SP140: variants seen among roughly 807,000 people sequenced by gnomAD.
SP140 encodes the protein SP140 nuclear body protein.
SP140 carries 81 observed loss-of-function variants against 125.0 expected under a neutral mutation model. The ratio of observed to expected loss-of-function variants is 0.65; its 90% CI spans 0.54 to 0.78. The LOEUF (loss-of-function observed/expected upper bound fraction) is 0.78, where lower values mean the gene tolerates loss of function less well. SP140 is among the 30% of genes least tolerant of loss of function. The pLI is 0.00. For missense variants in SP140, 858 were observed against 1,037.0 expected (o/e 0.83, Z 2.37); for synonymous variants, 312 against 354.0 (o/e 0.88, Z 1.33).
Position 230,307,984 on chromosome 2 carries a change from TATATATACACACACAC to T in SP140, c.2059-1938_2059-1923del, listed in dbSNP as rs1273741328. Among the ~76,000 whole-genome samples, 61 of 89,044 alleles carry T rather than the reference TATATATACACACACAC, an allele frequency of 6.9e-4. 1 individual carries two copies. Among genetic ancestry groups the T allele is most frequent in the African/African-American group, 2.7e-3 (57 of 21,386 alleles). 58.4% of individuals were successfully genotyped at this position (89,044 alleles called of 152,430 possible). A position where few individuals can be genotyped will look rare whatever the true frequency, so the allele number is the denominator to read the frequency against. ...ATATATATATATATATATATATATA[TATATATACACACACAC>T]ACACACACACACACACAGAGACACA... On this transcript the variant is annotated intron_variant, in intron 22 of 26. Transcript: ENST00000392045.
At chr2:230,223,138 G>T (rs1298239362), upstream of SP140, among the ~76,000 whole-genome samples, 1 of 151,684 alleles carries the variant, frequency 6.6e-6, no homozygotes, top group East Asian at 1.9e-4. Context: ...CCAGGTTCAA[G>T]TGATTCTCTT....
intron 1 of SP140, among the ~76,000 whole-genome samples, chr2:230,235,401 C>A (rs930242237): frequency 6.6e-6 from 1 of 152,120 alleles, no homozygotes; most frequent in Non-Finnish European, 1.5e-5. Flanking sequence ...AACTTTAATT[C>A]CTTTACTGTC....
At chr2:230,231,117 G>A (rs779907739) in intron 1 of SP140, among the ~76,000 whole-genome samples, 13 of 152,068 alleles carry the variant, frequency 8.5e-5, no homozygotes, top group Non-Finnish European at 1.8e-4. Flanking sequence ...TTATGTCTTT[G>A]AGTTGTCATC....
Position 230,245,004 on chromosome 2 carries a change from T to C in SP140, c.588T>C (p.Ser196=). 1.9e-6 allele frequency: 3 copies of C among 1,612,848 alleles called. No homozygotes were observed. Among genetic ancestry groups the C allele is most frequent in the Non-Finnish European group, 2.5e-6 (3 of 1,179,194 alleles). ...TATTTCCAGGTTTCTCTTCAGAGTCTTGTGAGCAGTTAGCTCTCCCAAAGG... is the reference window on the plus strand; with the variant it reads ...TATTTCCAGGTTTCTCTTCAGAGTCCTGTGAGCAGTTAGCTCTCCCAAAGG... ...PRCEPGFSSE[S]CEQLALPKAG... is the part of the protein sequence containing the mutation. Residue 196 remains serine (S), a synonymous_variant, in exon 6 of 27, where the codon TCT becomes TCC. Transcript: ENST00000392045.
the SP140 span, among the ~76,000 whole-genome samples, chr2:230,197,808 C>T: frequency 3.4e-4 from 52 of 152,232 alleles, no homozygotes; most frequent in African/African-American, 1.2e-3. Context: ...GGAATCCTTT[C>T]CCCATATAAT....
At chr2:230,287,760 G>T in intron 17 of SP140, 132 bp from the exon 18 acceptor site, 1 of 690,008 alleles carries the variant, frequency 1.4e-6, no homozygotes, top group Non-Finnish European at 2.3e-6. Flanking sequence ...AAAGGCTAGG[G>T]TTTAAATCTT....
chr2:230,294,037 G>A (rs1280117297), intron 20 of SP140, among the ~76,000 whole-genome samples: 3 of 152,168 alleles, frequency 2.0e-5, no homozygotes, highest in Non-Finnish European at 4.4e-5. Flanking sequence ...TTAGGACTTA[G>A]GAAAGAAGCA....
upstream of SP140, among the ~76,000 whole-genome samples, chr2:230,199,568 A>G (rs2043040041): frequency 1.3e-5 from 2 of 152,056 alleles, no homozygotes; most frequent in Admixed American, 6.6e-5. Context: ...GAACTTTTCT[A>G]TGTTGAAAAA....
At chr2:230,258,056 AGAAGCT>A (rs2051551823) in intron 12 of SP140, among the ~76,000 whole-genome samples, 1 of 152,174 alleles carries the variant, frequency 6.6e-6, no homozygotes, top group African/African-American at 2.4e-5. Context: ...TGTACTGGCC[AGAAGCT>A]ATTGTTGATT....
intron 1 of SP140, chr2:230,207,992 T>C: frequency 6.6e-7 from 1 of 1,517,208 alleles, no homozygotes; most frequent in Non-Finnish European, 9.1e-7. Context: ...TCATCTTACC[T>C]CCTGGGAGGC....
At chr2:230,212,028 C>T (rs142125991) in intron 1 of SP140, among the ~76,000 whole-genome samples, 20 of 152,240 alleles carry the variant, frequency 1.3e-4, no homozygotes, top group Admixed American at 9.8e-4. Flanking sequence ...ATTTTGATAA[C>T]ATTGTTCTTA....
intron 19 of SP140, among the ~76,000 whole-genome samples, chr2:230,291,044 G>C (rs1440775727): frequency 6.6e-6 from 1 of 152,196 alleles, no homozygotes; most frequent in Non-Finnish European, 1.5e-5. Context: ...AACCTGAAAT[G>C]TCTCATCCAA....
the SP140 span, among the ~76,000 whole-genome samples, chr2:230,196,615 A>G: frequency 6.6e-6 from 1 of 152,002 alleles, no homozygotes. Flanking sequence ...ATATGTATAC[A>G]TGTGCCATGT....
the SP140 span, among the ~76,000 whole-genome samples, chr2:230,193,167 G>A: frequency 3.3e-3 from 501 of 152,168 alleles, 3 homozygotes; most frequent in African/African-American, 0.012. Flanking sequence ...TATGAGAAAA[G>A]CTACTCCTGT....
chr2:230,249,508 A>C (rs1419014661), intron 9 of SP140, among the ~76,000 whole-genome samples: 15 of 152,188 alleles, frequency 9.9e-5, no homozygotes, highest in Non-Finnish European at 4.4e-5. Flanking sequence ...AGAATGAGGA[A>C]AATATATAAA....
chr2:230,288,828 C>T (rs2056791529), intron 18 of SP140, among the ~76,000 whole-genome samples: 1 of 152,150 alleles, frequency 6.6e-6, no homozygotes, highest in Non-Finnish European at 1.5e-5. Flanking sequence ...CATAGTATTT[C>T]ATGGTGTATA....
the SP140 span, among the ~76,000 whole-genome samples, chr2:230,195,297 A>T: frequency 6.6e-6 from 1 of 152,286 alleles, no homozygotes; most frequent in East Asian, 1.9e-4. Flanking sequence ...ATAAAGATGG[A>T]TCAGGAATAT....
intron 22 of SP140, among the ~76,000 whole-genome samples, chr2:230,308,728 A>C (rs1440254344): frequency 6.6e-6 from 1 of 152,252 alleles, no homozygotes; most frequent in East Asian, 1.9e-4. Flanking sequence ...AAATACGCAG[A>C]AGGTGCAAGC....
At chr2:230,192,280 G>A in the SP140 span, among the ~76,000 whole-genome samples, 1 of 152,142 alleles carries the variant, frequency 6.6e-6, no homozygotes, top group African/African-American at 2.4e-5. Context: ...AGAAGTTCTG[G>A]CCAGCACAAT....
Sources: gnomAD v4.1 joint callset for allele counts (sites outside exome capture counted in the v4.1 genomes callset) on GRCh38, gnomAD v4.1.1 for gene constraint, MANE v1.5 for transcripts, NCBI Gene and HGNC (gene_info 2026-07-23, HGNC 2026-07-21) for gene names.